MYOM1: variants seen among roughly 807,000 people sequenced by gnomAD.
MYOM1 encodes myomesin-1.
Under a neutral mutation model 205.3 loss-of-function variants are expected in MYOM1, and 164 were observed. The ratio of observed to expected loss-of-function variants is 0.80; its 90% CI spans 0.70 to 0.91. MYOM1 has a LOEUF of 0.91. MYOM1 is among the 40% of genes least tolerant of loss of function. The pLI, the probability that MYOM1 is intolerant of heterozygous loss-of-function variation, is 0.00. For synonymous variants in MYOM1, 772 were observed against 789.4 expected (o/e 0.98, Z 0.37); for missense variants, 2,011 against 2,127.3 (o/e 0.95, Z 1.08).
intron 20 of MYOM1, among the ~76,000 whole-genome samples, 163 bp from the exon 21 acceptor site, chr18:3,116,678 G>A (rs1233372891): frequency 6.6e-6 from 1 of 152,060 alleles, no homozygotes; most frequent in African/African-American, 2.4e-5. Context: ...ATTTCACAAC[G>A]TTTTCGTACT....
At chr18:3,128,978 G>T (rs1327683688) in intron 18 of MYOM1, among the ~76,000 whole-genome samples, 1 of 152,126 alleles carries the variant, frequency 6.6e-6, no homozygotes, top group Admixed American at 6.5e-5. Flanking sequence ...ACCAAGAAAG[G>T]CTCTATAACC....
intron 18 of MYOM1, among the ~76,000 whole-genome samples, chr18:3,127,984 A>G (rs767520238): frequency 6.6e-5 from 10 of 152,206 alleles, no homozygotes; most frequent in Non-Finnish European, 1.2e-4. Flanking sequence ...CTGAAATTAC[A>G]GTTTTCAATG....
intron 5 of MYOM1, among the ~76,000 whole-genome samples, chr18:3,183,704 TCTC>T (rs1388387858): frequency 6.6e-6 from 1 of 152,078 alleles, no homozygotes; most frequent in Non-Finnish European, 1.5e-5. Context: ...CCTTTGTACT[TCTC>T]CTCAGTGTCA....
At chr18:3,087,914 G>A (rs1318849144) in intron 29 of MYOM1, among the ~76,000 whole-genome samples, 1 of 152,218 alleles carries the variant, frequency 6.6e-6, no homozygotes, top group Non-Finnish European at 1.5e-5. Context: ...CGACACGTGA[G>A]TGGCTAAATT....
chr18:3,094,381 A>T, intron 25 of MYOM1, 75 bp from the exon 26 acceptor site: 13 of 522,636 alleles, frequency 2.5e-5, no homozygotes, highest in East Asian at 2.3e-4. Flanking sequence ...CATCAAGTGA[A>T]AAAAAAAAAA....
At chr18:3,164,488 C>A in intron 9 of MYOM1, 49 bp from the exon 10 acceptor site, 2 of 1,508,646 alleles carry the variant, frequency 1.3e-6, no homozygotes, top group Non-Finnish European at 1.8e-6. Flanking sequence ...TGTTTTATAA[C>A]TTCCTTCTTG....
chr18:3,111,391 G>A (rs965403141), intron 22 of MYOM1, among the ~76,000 whole-genome samples: 2 of 151,990 alleles, frequency 1.3e-5, no homozygotes, highest in Non-Finnish European at 2.9e-5. Context: ...CATAAGAAAC[G>A]GCAAGTCTGT....
intron 13 of MYOM1, 72 bp downstream of exon 13, chr18:3,149,073 A>C (rs1598723324): frequency 8.3e-7 from 1 of 1,208,818 alleles, no homozygotes; most frequent in Non-Finnish European, 1.2e-6. Context: ...TACACACTGC[A>C]CCCTCCACAA....
the MYOM1 span, among the ~76,000 whole-genome samples, chr18:3,237,552 T>A: frequency 1.7e-5 from 2 of 117,388 alleles, no homozygotes. Flanking sequence ...TGAGCCGAGA[T>A]CACACCACTG....
chr18:3,183,900 G>A (rs913220384), intron 5 of MYOM1, among the ~76,000 whole-genome samples: 2 of 148,606 alleles, frequency 1.3e-5, no homozygotes, highest in East Asian at 1.9e-4. Flanking sequence ...ATCATTTTTC[G>A]TTCTCTCTCT....
chr18:3,112,741 T>C (rs2079545963), intron 21 of MYOM1, among the ~76,000 whole-genome samples: 1 of 152,216 alleles, frequency 6.6e-6, no homozygotes, highest in Non-Finnish European at 1.5e-5. Context: ...AGCCACTGTA[T>C]TCTTTGGTCA....
At position 3,209,151 on chromosome 18, in the gene MYOM1, C is replaced by G. The variant is rs185484818; in HGVS notation, c.290+5783G>C. 1.3e-4 allele frequency among the ~76,000 whole-genome samples: 20 copies of G among 152,260 alleles called. No individual in the cohort carries two copies. The highest frequency in any genetic ancestry group is 4.8e-4 in the African/African-American group (20 of 41,566). ...AGAGGGAATCTGGGAAAATGGGGAACAAGTGAATGGTTTTACTATCATCAT... is the reference window on the plus strand; with the variant it reads ...AGAGGGAATCTGGGAAAATGGGGAAGAAGTGAATGGTTTTACTATCATCAT... On this transcript the variant is annotated intron_variant, in intron 2 of 37. Transcript: ENST00000356443. The surrounding 1 kb of genome is among the most constrained non-coding windows in gnomAD (Gnocchi z 4.0).
Position 3,149,070 on chromosome 18 carries a change from T to C in MYOM1, c.1900+75A>G, listed in dbSNP as rs527287378. Reference sequence around the variant, plus strand: ...CCAAAACATCTTAAGCAATACACACTGCACCCTCCACAACAAAAGGCAAAC... The same window carrying C: ...CCAAAACATCTTAAGCAATACACACCGCACCCTCCACAACAAAAGGCAAAC... On this transcript the variant is annotated intron_variant, in intron 13 of 37. Coordinates refer to ENST00000356443, the MANE Select transcript of MYOM1 (RefSeq NM_003803.4). The C allele has an allele frequency of 6.8e-6, 8 of 1,184,438 alleles. No individual in the cohort carries two copies. In the East Asian group the frequency reaches 1.4e-4, roughly 21 times the overall value. The allele number at this position is 1,184,438 out of a possible 1,614,324, so 73.4% of individuals were successfully genotyped here. A position where few individuals can be genotyped will look rare whatever the true frequency, so the allele number is the denominator to read the frequency against.
chr18:3,083,036 C>T (rs1343359567), intron 33 of MYOM1, among the ~76,000 whole-genome samples: 3 of 152,160 alleles, frequency 2.0e-5, no homozygotes, highest in African/African-American at 7.2e-5. Flanking sequence ...ATTTCTGTTC[C>T]AGACCACAGA....
intron 1 of MYOM1, chr18:3,217,016 T>C (rs574077960): frequency 1.3e-5 from 2 of 152,240 alleles, no homozygotes; most frequent in South Asian, 4.1e-4. Context: ...GATCCAAATA[T>C]GTATATAACA....
At chr18:3,085,550 G>T (rs1038532547) in intron 30 of MYOM1, among the ~76,000 whole-genome samples, 2 of 152,080 alleles carry the variant, frequency 1.3e-5, no homozygotes, top group Non-Finnish European at 2.9e-5. Flanking sequence ...CAGCGAGCTA[G>T]CAGTCCTGAC....
chr18:3,100,441 A>AT lies in MYOM1; in HGVS notation c.3576-16dup. 1 of 1,594,578 alleles carries AT rather than the reference A, an allele frequency of 6.3e-7. No homozygotes were observed. On this transcript the variant is annotated splice_polypyrimidine_tract_variant and intron_variant, in intron 23 of 37. Coordinates refer to ENST00000356443, the MANE Select transcript of MYOM1 (RefSeq NM_003803.4). Reference sequence around the variant, plus strand: ...TCATTTTCGTCCTTCGGAACAAAATATTTTTCTTAGAAATGAGGCTGTGTG... The same window carrying AT: ...TCATTTTCGTCCTTCGGAACAAAATATTTTTTCTTAGAAATGAGGCTGTGTG...
At position 3,151,818 on chromosome 18, in the gene MYOM1, T is replaced by A. The variant is rs937051314; in HGVS notation, c.1719A>T (p.Gly573=). ...PVKFARFPVT[G]LIEGRSYIFR... ...AGATATAGGAACGACCTTCGATCAA[T>A]CCAGTGACAGGAAAACGAGCAAACT... The change falls in exon 12 of 38, where the codon GGA becomes GGT. Residue 573 remains glycine, a synonymous_variant. Transcript: ENST00000356443. The A allele has an allele frequency of 6.2e-7, 1 of 1,613,842 alleles. No individual in the cohort carries two copies. Among genetic ancestry groups the A allele is most frequent in the Admixed American group, 1.7e-5 (1 of 60,022 alleles).
At chr18:3,094,369 TC>T in intron 25 of MYOM1, 63 bp from the exon 26 acceptor site, 1 of 1,310,964 alleles carries the variant, frequency 7.6e-7, no homozygotes, top group Non-Finnish European at 1.0e-6. Context: ...GTACTCATTT[TC>T]CATCAAGTGA....
Sources: allele counts gnomAD v4.1 joint callset (sites outside exome capture counted in the v4.1 genomes callset), GRCh38; gene constraint gnomAD v4.1.1; non-coding constraint Gnocchi (gnomAD v3.1); transcripts MANE v1.5; gene names NCBI Gene and HGNC (gene_info 2026-07-23, HGNC 2026-07-21).